MALRD1: variants seen among roughly 807,000 people sequenced by gnomAD.
MALRD1 encodes the protein MAM and LDL-receptor class A domain-containing protein 1.
MALRD1 carries 247 observed loss-of-function variants against 242.1 expected under a neutral mutation model. That is an observed-to-expected ratio of 1.02 (90% CI 0.92 to 1.13). MALRD1 has a LOEUF of 1.13. MALRD1 is among the 50% of genes most tolerant of loss of function. The pLI, the probability that MALRD1 is intolerant of heterozygous loss-of-function variation, is 0.00. For synonymous variants in MALRD1, 995 were observed against 866.6 expected (o/e 1.15, Z -2.60); for missense variants, 2,989 against 2,533.1 (o/e 1.18, Z -3.86).
intron 5 of MALRD1, among the ~76,000 whole-genome samples, chr10:19,115,463 C>T (rs536249975): frequency 1.3e-5 from 2 of 151,718 alleles, no homozygotes; most frequent in South Asian, 4.2e-4. Flanking sequence ...ACTCATAGAG[C>T]TGAATACTGG....
In MALRD1 at chr10:19,204,386, C is replaced by G; in HGVS notation, c.2183C>G (p.Thr728Arg). ...AKLQSPTFSQ[T>R]GPGCILSFWF... is the part of the protein sequence containing the mutation. Reference sequence around the variant, plus strand: ...CTTCAGAGCCCAACTTTCAGCCAGACAGGACCTGGATGCATACTTTCCTTC... The same window carrying G: ...CTTCAGAGCCCAACTTTCAGCCAGAGAGGACCTGGATGCATACTTTCCTTC... The change falls in exon 16 of 40, where the codon ACA (threonine) becomes AGA (arginine). Residue 728 changes from threonine (T) to arginine (R), a missense_variant. Thr to Arg is a moderately conservative substitution (Grantham distance 71). Coordinates refer to ENST00000454679, the MANE Select transcript of MALRD1 (RefSeq NM_001142308.3). 1 of 1,547,170 alleles carries G rather than the reference C, an allele frequency of 6.5e-7. No individual in the cohort carries two copies. The highest frequency in any genetic ancestry group is 8.7e-7 in the Non-Finnish European group (1 of 1,145,462).
chr10:19,330,510 C>G (rs1843316719), intron 23 of MALRD1, among the ~76,000 whole-genome samples: 1 of 151,996 alleles, frequency 6.6e-6, no homozygotes, highest in African/African-American at 2.4e-5. Context: ...TTTGAAATAT[C>G]TCAATATTTC....
chr10:19,061,551 A>G (rs7081400), intron 1 of MALRD1, among the ~76,000 whole-genome samples: 16,549 of 152,160 alleles, frequency 0.11, 1,224 homozygotes, highest in East Asian at 0.28. Flanking sequence ...AAACTTATTA[A>G]AAAGCTACAG....
intron 32 of MALRD1, among the ~76,000 whole-genome samples, chr10:19,561,628 G>T (rs972199364): frequency 6.6e-6 from 1 of 152,102 alleles, no homozygotes; most frequent in Non-Finnish European, 1.5e-5. Context: ...GTGAATAGAA[G>T]AAATTTTTAA....
Position 19,096,408 on chromosome 10 carries a change from A to C in MALRD1, c.598-7571A>C, listed in dbSNP as rs1465014222. ...CAATATATTAATTTTATATCCCAAAATACGTTATTGCTGATGTGAAAACAG... is the reference window on the plus strand; with the variant it reads ...CAATATATTAATTTTATATCCCAAACTACGTTATTGCTGATGTGAAAACAG... On this transcript the variant is annotated intron_variant, in intron 4 of 39. Coordinates refer to ENST00000454679, the MANE Select transcript of MALRD1 (RefSeq NM_001142308.3). Among the ~76,000 whole-genome samples the C allele has an allele frequency of 6.6e-5, 10 of 152,324 alleles. No individual in the cohort carries two copies. In the East Asian group the frequency reaches 1.5e-3, roughly 24 times the overall value.
At chr10:19,098,976 C>T (rs1437142604) in intron 4 of MALRD1, among the ~76,000 whole-genome samples, 1 of 152,100 alleles carries the variant, frequency 6.6e-6, no homozygotes, top group Non-Finnish European at 1.5e-5. Context: ...GGTAGGTGTG[C>T]CGTTTGCATA....
intron 33 of MALRD1, among the ~76,000 whole-genome samples, chr10:19,581,706 A>G (rs1358177459): frequency 6.7e-6 from 1 of 150,272 alleles, no homozygotes; most frequent in Non-Finnish European, 1.5e-5. Context: ...TTATAGCAGC[A>G]TGATTTATAG....
rs373981535 is a variant in MALRD1 at position 19,421,024 on chromosome 10, T to G, written c.4846-29283T>G. Among the ~76,000 whole-genome samples, 7 of 152,340 alleles carry G rather than the reference T, an allele frequency of 4.6e-5. No homozygotes were observed. In the East Asian group the frequency reaches 5.8e-4, roughly 13 times the overall value. The stretch of plus-strand genomic sequence containing the variant: ...AAATGACTCTACCCTTGGTTGATCA[T>G]GGGATTTGAATGATAAAGATGAATA... On this transcript the variant is annotated intron_variant, in intron 28 of 39. Coordinates refer to ENST00000454679, the MANE Select transcript of MALRD1 (RefSeq NM_001142308.3).
At chr10:19,595,676 A>G (rs1270446469) in intron 34 of MALRD1, among the ~76,000 whole-genome samples, 1 of 152,112 alleles carries the variant, frequency 6.6e-6, no homozygotes, top group African/African-American at 2.4e-5. Flanking sequence ...TGTTAAACCT[A>G]TCTTTTTCCT....
chr10:19,670,040 G>A (rs1010824360), intron 36 of MALRD1, among the ~76,000 whole-genome samples: 2 of 150,216 alleles, frequency 1.3e-5, no homozygotes, highest in Non-Finnish European at 3.0e-5. Context: ...TTAAAATAAA[G>A]TATAATGCCC....
At chr10:19,663,419 T>C (rs1285507939) in intron 36 of MALRD1, among the ~76,000 whole-genome samples, 1 of 152,144 alleles carries the variant, frequency 6.6e-6, no homozygotes, top group African/African-American at 2.4e-5. Flanking sequence ...CCTTATCCAG[T>C]CCTCCACTGA....
At chr10:19,056,166 G>T (rs184637898) in intron 1 of MALRD1, among the ~76,000 whole-genome samples, 243 of 151,836 alleles carry the variant, frequency 1.6e-3, no homozygotes, top group African/African-American at 5.6e-3. Context: ...AGATTGTTTT[G>T]GCTACTTGGA....
Position 19,154,305 on chromosome 10 carries a change from G to A in MALRD1, c.1559-770G>A, listed in dbSNP as rs541103798. ...TAAATCCTTTCCTTTGTGTGCAGTC[G>A]GCATTGACTTGTATCTAGGAAAATC... On this transcript the variant is annotated intron_variant, in intron 11 of 39. Coordinates refer to ENST00000454679, the MANE Select transcript of MALRD1 (RefSeq NM_001142308.3). 3.9e-5 allele frequency among the ~76,000 whole-genome samples: 6 copies of A among 152,090 alleles called. No homozygotes were observed. In the East Asian group the frequency reaches 7.7e-4, roughly 20 times the overall value.
intron 26 of MALRD1, among the ~76,000 whole-genome samples, chr10:19,379,827 A>G (rs1390210030): frequency 6.6e-6 from 1 of 152,080 alleles, no homozygotes; most frequent in African/African-American, 2.4e-5. Context: ...TCTTCCATAC[A>G]TTTACTTTCT....
At chr10:19,131,629 C>T (rs1472063837) in intron 8 of MALRD1, among the ~76,000 whole-genome samples, 1 of 152,020 alleles carries the variant, frequency 6.6e-6, no homozygotes, top group Non-Finnish European at 1.5e-5. Flanking sequence ...TTCCTAGATG[C>T]GATCAAAAGT....
At chr10:19,169,733 C>A (rs1466945478) in intron 13 of MALRD1, among the ~76,000 whole-genome samples, 1 of 152,142 alleles carries the variant, frequency 6.6e-6, no homozygotes, top group Non-Finnish European at 1.5e-5. Context: ...AAAAGATATT[C>A]TACCTACAAA....
At position 19,360,969 on chromosome 10, in the gene MALRD1, A is replaced by G. The variant is rs566085687; in HGVS notation, c.4441+8672A>G. 9.3e-4 allele frequency among the ~76,000 whole-genome samples: 142 copies of G among 152,136 alleles called. 1 individual carries two copies. The highest frequency in any genetic ancestry group is 3.2e-3 in the African/African-American group (131 of 41,554). The stretch of plus-strand genomic sequence containing the variant: ...TTACTATGGTCTCATTATTACACGA[A>G]TTAACTACATAAAAGTAAGCACCAT... On this transcript the variant is annotated intron_variant, in intron 26 of 39. Transcript: ENST00000454679.
chr10:19,385,765 G>C (rs1480225149), intron 26 of MALRD1, among the ~76,000 whole-genome samples: 1 of 151,464 alleles, frequency 6.6e-6, no homozygotes, highest in East Asian at 1.9e-4. Flanking sequence ...TTTTTGTTCT[G>C]CTAACTTCGG....
chr10:19,703,627 G>C (rs548109375), intron 38 of MALRD1, among the ~76,000 whole-genome samples: 1 of 152,304 alleles, frequency 6.6e-6, no homozygotes, highest in African/African-American at 2.4e-5. Flanking sequence ...TGGTGCAGTG[G>C]CTCACATTGG....
Sources: gnomAD v4.1 joint callset for allele counts (sites outside exome capture counted in the v4.1 genomes callset) on GRCh38, gnomAD v4.1.1 for gene constraint, MANE v1.5 for transcripts, NCBI Gene and HGNC (gene_info 2026-07-23, HGNC 2026-07-21) for gene names.